SLC35F1: variants seen among roughly 807,000 people sequenced by gnomAD.
SLC35F1 encodes chromosome 6 open reading frame 169.
In SLC35F1, 14 loss-of-function variants were observed where a neutral mutation model predicts 48.7. The ratio of observed to expected loss-of-function variants is 0.29; its 90% confidence interval spans 0.19 to 0.45. The LOEUF (loss-of-function observed/expected upper bound fraction) is 0.45. SLC35F1 is among the 20% of genes least tolerant of loss of function. The probability of loss-of-function intolerance (pLI) is 1.00; values close to 1 mark genes in which losing one functional copy is unlikely to be tolerated. For synonymous variants in SLC35F1, 190 were observed against 202.2 expected, an observed-to-expected ratio of 0.94 and a Z score of 0.51; for missense variants, 404 against 500.0, an observed-to-expected ratio of 0.81 and a Z score of 1.83.
At chr6:118,273,755 C>T (rs757796179) in intron 4 of SLC35F1, among the ~76,000 whole-genome samples, 4 of 152,150 alleles carry the variant, frequency 2.6e-5, no homozygotes, top group Admixed American at 6.5e-5. Flanking sequence ...AGATTCTCAG[C>T]TCATCTCCTG....
intron 3 of SLC35F1, among the ~76,000 whole-genome samples, chr6:118,262,021 G>A (rs1010540758): frequency 2.2e-4 from 33 of 152,238 alleles, no homozygotes; most frequent in African/African-American, 6.5e-4. Flanking sequence ...GTAAAACCGG[G>A]ATACAATTGG....
At chr6:118,154,348 C>A in intron 1 of SLC35F1, 97 bp from the exon 2 acceptor site, 2 of 965,430 alleles carry the variant, frequency 2.1e-6, no homozygotes, top group Non-Finnish European at 3.1e-6. Flanking sequence ...TGCACTTAAT[C>A]CAGTGCATGC....
intron 1 of SLC35F1, among the ~76,000 whole-genome samples, chr6:118,057,421 G>A (rs1439483280): frequency 6.6e-6 from 1 of 152,096 alleles, no homozygotes; most frequent in Non-Finnish European, 1.5e-5. Flanking sequence ...AGCAGGAGGA[G>A]GGGAGGCTGT....
At chr6:118,310,411 A>C (rs959921138) in intron 7 of SLC35F1, among the ~76,000 whole-genome samples, 1 of 152,228 alleles carries the variant, frequency 6.6e-6, no homozygotes, top group Admixed American at 6.5e-5. Flanking sequence ...AATGTTCTAC[A>C]AGATAAGTGC....
intron 1 of SLC35F1, among the ~76,000 whole-genome samples, chr6:117,984,508 A>AG (rs1237228662): frequency 1.2e-4 from 18 of 152,020 alleles, no homozygotes; most frequent in African/African-American, 4.1e-4. Flanking sequence ...AAAAAAAAAA[A>AG]AAAAGGAATA....
intron 1 of SLC35F1, among the ~76,000 whole-genome samples, chr6:118,094,657 A>C (rs1198972799): frequency 6.6e-6 from 1 of 152,146 alleles, no homozygotes; most frequent in Non-Finnish European, 1.5e-5. Flanking sequence ...AGGGGTGTCC[A>C]GATGATGAGT....
chr6:118,214,077 C>A (rs542831801), intron 2 of SLC35F1, among the ~76,000 whole-genome samples: 2 of 152,262 alleles, frequency 1.3e-5, no homozygotes, highest in African/African-American at 4.8e-5. Context: ...AATGTTTTCT[C>A]AAGTTCACTA....
intron 2 of SLC35F1, among the ~76,000 whole-genome samples, chr6:118,172,746 G>T (rs1049478686): frequency 6.6e-6 from 1 of 152,114 alleles, no homozygotes; most frequent in Admixed American, 6.6e-5. Context: ...AATTGTGGTT[G>T]TTTCATTAAA....
At chr6:118,042,597 A>T (rs574451210) in intron 1 of SLC35F1, among the ~76,000 whole-genome samples, 1 of 152,250 alleles carries the variant, frequency 6.6e-6, no homozygotes, top group East Asian at 1.9e-4. Flanking sequence ...CTTGCCAAGG[A>T]GTTTGGACTT....
intron 1 of SLC35F1, among the ~76,000 whole-genome samples, chr6:118,141,409 A>G (rs1202431064): frequency 1.3e-5 from 2 of 152,214 alleles, no homozygotes; most frequent in Non-Finnish European, 2.9e-5. Context: ...ATGATTGCAC[A>G]ATTATTAAAA....
intron 1 of SLC35F1, among the ~76,000 whole-genome samples, chr6:117,986,910 A>G (rs1435704214): frequency 6.6e-6 from 1 of 152,138 alleles, no homozygotes; most frequent in Non-Finnish European, 1.5e-5. Context: ...CTTATCTATC[A>G]GGTGGGTGCT....
intron 1 of SLC35F1, among the ~76,000 whole-genome samples, chr6:118,150,412 C>A (rs374058713): frequency 6.6e-6 from 1 of 152,006 alleles, no homozygotes; most frequent in Non-Finnish European, 1.5e-5. Flanking sequence ...ACTATATTGG[C>A]GCATATACAT....
At chr6:118,284,790 T>C (rs1376298805) in intron 6 of SLC35F1, among the ~76,000 whole-genome samples, 1 of 152,182 alleles carries the variant, frequency 6.6e-6, no homozygotes, top group Non-Finnish European at 1.5e-5. Context: ...AGCAAGCAGT[T>C]TTGTTGCTAT....
At chr6:117,941,990 A>G (rs1279908312) in intron 1 of SLC35F1, among the ~76,000 whole-genome samples, 1 of 152,200 alleles carries the variant, frequency 6.6e-6, no homozygotes, top group Non-Finnish European at 1.5e-5. Context: ...GTGTGCCAGG[A>G]AGACCTTTTT....
chr6:118,237,677 AC>A (rs1307539118), intron 3 of SLC35F1, among the ~76,000 whole-genome samples: 3 of 152,338 alleles, frequency 2.0e-5, no homozygotes, highest in South Asian at 4.1e-4. Flanking sequence ...GGCATGAGCC[AC>A]ACGCCCAGCC....
intron 1 of SLC35F1, among the ~76,000 whole-genome samples, chr6:118,085,806 T>A (rs1166403914): frequency 6.6e-6 from 1 of 152,194 alleles, no homozygotes; most frequent in Non-Finnish European, 1.5e-5. Context: ...TACAAACTTG[T>A]GGAAATTTAA....
chr6:118,144,184 A>G (rs921352807), intron 1 of SLC35F1, among the ~76,000 whole-genome samples: 2 of 152,206 alleles, frequency 1.3e-5, no homozygotes, highest in African/African-American at 2.4e-5. Context: ...TATGGAATCA[A>G]CCCAAATGCC....
chr6:118,273,690 A>G (rs1775886161), intron 4 of SLC35F1, among the ~76,000 whole-genome samples: 1 of 152,182 alleles, frequency 6.6e-6, no homozygotes, highest in African/African-American at 2.4e-5. Flanking sequence ...TAATTTTCCT[A>G]AAAGATCTGC....
rs936106441 is a variant in SLC35F1 at position 118,005,847 on chromosome 6, G to T, written c.173+97948G>T. Among the ~76,000 whole-genome samples, 13 of 152,106 alleles carry T rather than the reference G, an allele frequency of 8.5e-5. No individual in the cohort carries two copies. In the East Asian group the frequency reaches 2.5e-3, roughly 29 times the overall value. On this transcript the variant is annotated intron_variant, in intron 1 of 7. Coordinates refer to ENST00000360388, the MANE Select transcript of SLC35F1 (RefSeq NM_001029858.4). The stretch of plus-strand genomic sequence containing the variant: ...CCAGCTCCTCTATGAATCCTCCTCT[G>T]TGCCTCCTTCCCATAGGATCACTTC...
Sources: allele counts gnomAD v4.1 joint callset (sites outside exome capture counted in the v4.1 genomes callset), GRCh38; gene constraint gnomAD v4.1.1; transcripts MANE v1.5; gene names NCBI Gene and HGNC (gene_info 2026-07-23, HGNC 2026-07-21).